The following BRD10 variants were observed in gnomAD, a reference collection of about 807,000 sequenced individuals.
BRD10 encodes uncharacterized bromodomain-containing protein 10.
At chr9:5,952,736 C>T in the BRD10 span, among the ~76,000 whole-genome samples, 1 of 152,106 alleles carries the variant, frequency 6.6e-6, no homozygotes, top group African/African-American at 2.4e-5. Flanking sequence ...AGGGCTGATG[C>T]TTTGAGGACT....
the BRD10 span, chr9:5,892,636 C>A: frequency 9.5e-7 from 1 of 1,050,350 alleles, no homozygotes; most frequent in South Asian, 1.6e-5. Flanking sequence ...CATGCCTGCT[C>A]GTAAATCTCC....
chr9:5,957,095 C>T, the BRD10 span, among the ~76,000 whole-genome samples: 3 of 151,998 alleles, frequency 2.0e-5, no homozygotes, highest in Non-Finnish European at 4.4e-5. Flanking sequence ...TCAACATGAC[C>T]TAGTAGTGGT....
the BRD10 span, among the ~76,000 whole-genome samples, chr9:5,906,193 A>T: frequency 6.6e-6 from 1 of 151,296 alleles, no homozygotes; most frequent in African/African-American, 2.4e-5. Context: ...TCTTAAAAAA[A>T]AAAAAAGAAA....
chr9:5,910,702 C>T, the BRD10 span: 1 of 152,368 alleles, frequency 6.6e-6, no homozygotes, highest in East Asian at 1.9e-4. Flanking sequence ...GAGACTTGGG[C>T]TGAGTCTGCC....
chr9:6,008,007 G>C, the BRD10 span: 1 of 1,261,328 alleles, frequency 7.9e-7, no homozygotes, highest in Non-Finnish European at 1.0e-6. Context: ...GGGGAGAGAA[G>C]AGGAGAGCCT....
chr9:5,966,210 GCCTT>G, the BRD10 span, among the ~76,000 whole-genome samples: 1 of 152,004 alleles, frequency 6.6e-6, no homozygotes, highest in African/African-American at 2.4e-5. Flanking sequence ...TTATAAATTT[GCCTT>G]CCAAGTGTTT....
At chr9:5,951,190 G>A in the BRD10 span, among the ~76,000 whole-genome samples, 6 of 152,016 alleles carry the variant, frequency 3.9e-5, no homozygotes, top group Admixed American at 2.0e-4. Context: ...CAGATATTAG[G>A]TGTGTATATA....
At chr9:5,922,650 C>T in the BRD10 span, 1 of 1,613,946 alleles carries the variant, frequency 6.2e-7, no homozygotes, top group South Asian at 1.1e-5. Flanking sequence ...GCTTTTCCTT[C>T]TTTATGCTGA....
At chr9:5,963,755 C>T in the BRD10 span, among the ~76,000 whole-genome samples, 2 of 151,800 alleles carry the variant, frequency 1.3e-5, no homozygotes, top group African/African-American at 2.4e-5. Flanking sequence ...ATGCCGCATA[C>T]CTACAACTAT....
At chr9:5,887,562 C>T in the BRD10 span, among the ~76,000 whole-genome samples, 1 of 152,214 alleles carries the variant, frequency 6.6e-6, no homozygotes, top group Non-Finnish European at 1.5e-5. Flanking sequence ...GAACCCAGCT[C>T]AGTGCAATGG....
the BRD10 span, chr9:5,968,317 T>C: frequency 2.5e-6 from 4 of 1,610,176 alleles, no homozygotes; most frequent in East Asian, 6.7e-5. Context: ...TTTGGCAAGA[T>C]TTTAGAGTAT....
At chr9:5,977,954 A>G in the BRD10 span, among the ~76,000 whole-genome samples, 1 of 152,242 alleles carries the variant, frequency 6.6e-6, no homozygotes, top group Admixed American at 6.5e-5. Context: ...AAGGCAGATA[A>G]AGCAGTGCAT....
At chr9:5,928,401 C>T in the BRD10 span, among the ~76,000 whole-genome samples, 5 of 152,174 alleles carry the variant, frequency 3.3e-5, no homozygotes, top group Admixed American at 1.3e-4. Context: ...CATGTCCCTT[C>T]CCTGCTTAAA....
the BRD10 span, among the ~76,000 whole-genome samples, chr9:5,927,852 GCTCATATACTAAGTGATTTCTACCAGC>G: frequency 1.3e-3 from 193 of 152,078 alleles, no homozygotes; most frequent in Middle Eastern, 0.017. Flanking sequence ...CTCTATCTAT[GCTCATATACTAAGTGATTTCTACCAGC>G]CTTATGTCTT....
the BRD10 span, chr9:5,910,772 G>C: frequency 6.6e-6 from 1 of 152,164 alleles, no homozygotes; most frequent in African/African-American, 2.4e-5. Context: ...AGATTCAGAA[G>C]ACTTACTCCC....
At chr9:5,996,654 C>T in the BRD10 span, among the ~76,000 whole-genome samples, 3 of 152,032 alleles carry the variant, frequency 2.0e-5, no homozygotes, top group South Asian at 2.1e-4. Flanking sequence ...TTTAAAAAAT[C>T]GTTTTGCTTA....
the BRD10 span, among the ~76,000 whole-genome samples, chr9:5,902,885 C>G: frequency 6.6e-6 from 1 of 152,050 alleles, no homozygotes; most frequent in Non-Finnish European, 1.5e-5. Context: ...TTGCTGTTCT[C>G]TTTATTTTCC....
chr9:5,887,712 C>T, the BRD10 span, among the ~76,000 whole-genome samples: 2 of 152,180 alleles, frequency 1.3e-5, no homozygotes, highest in Admixed American at 1.3e-4. Flanking sequence ...TTATATCCTT[C>T]CCAATTTTTG....
At chr9:5,943,078 T>C in the BRD10 span, among the ~76,000 whole-genome samples, 1 of 152,118 alleles carries the variant, frequency 6.6e-6, no homozygotes. Flanking sequence ...GGTCTAGCTA[T>C]GTTGTCCAAG....
Sources: allele counts gnomAD v4.1 joint callset (sites outside exome capture counted in the v4.1 genomes callset), GRCh38; gene constraint gnomAD v4.1.1; transcripts MANE v1.5; gene names NCBI Gene and HGNC (gene_info 2026-07-23, HGNC 2026-07-21).